ENPP2: variants seen among roughly 807,000 people sequenced by gnomAD.
ENPP2 encodes the protein ectonucleotide pyrophosphatase/phosphodiesterase 2.
ENPP2 carries 51 observed loss-of-function variants against 120.2 expected under a neutral mutation model. That is an observed-to-expected ratio of 0.42 (90% CI 0.34 to 0.54). The LOEUF (loss-of-function observed/expected upper bound fraction) is 0.54, where lower values mean the gene tolerates loss of function less well. Among genes scored for constraint, ENPP2 ranks in the 20% least tolerant of loss-of-function variants. The pLI is 0.04. For missense variants in ENPP2, 920 were observed against 1,066.5 expected (o/e 0.86, Z 1.91); for synonymous variants, 365 against 366.4 (o/e 1.00, Z 0.04).
intron 12 of ENPP2, among the ~76,000 whole-genome samples, chr8:119,590,966 C>T (rs1587412219): frequency 8.3e-6 from 1 of 121,004 alleles, no homozygotes; most frequent in East Asian, 2.5e-4. Flanking sequence ...TAACTATTGA[C>T]AGAGTCTTTA....
At chr8:119,652,362 T>C (rs932172075) in intron 1 of ENPP2, among the ~76,000 whole-genome samples, 1 of 152,152 alleles carries the variant, frequency 6.6e-6, no homozygotes, top group African/African-American at 2.4e-5. Flanking sequence ...ATTCACATCA[T>C]AGCAGGAAGT....
At chr8:119,585,175 A>G (rs1276852903) in intron 15 of ENPP2, among the ~76,000 whole-genome samples, 3 of 152,168 alleles carry the variant, frequency 2.0e-5, no homozygotes, top group African/African-American at 7.2e-5. Flanking sequence ...AATTTCAGTC[A>G]CATCCCAATT....
Position 119,590,497 on chromosome 8 carries a change from C to A in ENPP2, c.1207+8G>T. On this transcript the variant is annotated splice_region_variant and intron_variant, in intron 13 of 24. Transcript: ENST00000075322. The stretch of plus-strand genomic sequence containing the variant: ...TCTAACCACTTAATATTTTAAGAAT[C>A]AACTTACATTTAGCATTGTTGCTAA... The A allele has an allele frequency of 6.3e-7, 1 of 1,588,914 alleles. No individual in the cohort carries two copies.
chr8:119,567,354 G>C (rs570886925), intron 22 of ENPP2, among the ~76,000 whole-genome samples: 1 of 152,256 alleles, frequency 6.6e-6, no homozygotes, highest in East Asian at 1.9e-4. Flanking sequence ...TTCGACATTG[G>C]ATAATTAAGT....
chr8:119,666,900 T>C (rs138327206), intron 1 of ENPP2, among the ~76,000 whole-genome samples: 21 of 152,222 alleles, frequency 1.4e-4, no homozygotes, highest in African/African-American at 4.8e-4. Flanking sequence ...ACACAGGAAA[T>C]GGCATAAGTA....
At position 119,654,828 on chromosome 8, in the gene ENPP2, T is replaced by C. The variant is rs1282910158; in HGVS notation, c.22-16301A>G. On this transcript the variant is annotated intron_variant, in intron 1 of 25. Coordinates refer to the ENPP2 transcript ENST00000427067. Reference sequence around the variant, plus strand: ...TCAGAAGCACTTTGGCTATACAACATCTAAGCTTCTTTCCAACTCTAAGCA... The same window carrying C: ...TCAGAAGCACTTTGGCTATACAACACCTAAGCTTCTTTCCAACTCTAAGCA... Among the ~76,000 whole-genome samples the C allele has an allele frequency of 2.6e-5, 4 of 152,304 alleles. No homozygotes were observed. The East Asian group carries it at 7.7e-4, about 29-fold the overall frequency.
chr8:119,561,625 T>G (rs531383953), intron 24 of ENPP2, among the ~76,000 whole-genome samples: 3 of 152,172 alleles, frequency 2.0e-5, no homozygotes, highest in Non-Finnish European at 2.9e-5. Flanking sequence ...TCCTCCCTAG[T>G]GTTTTCATGA....
At position 119,570,857 on chromosome 8, in the gene ENPP2, A is replaced by G; in HGVS notation, c.1781-16T>C. The stretch of plus-strand genomic sequence containing the variant: ...AGGTGTCTCTCTAAAAAAGAAAAAA[A>G]ATAAACTGTGTTAGGTGCATATTAA... On this transcript the variant is annotated splice_polypyrimidine_tract_variant and intron_variant, in intron 19 of 24. Transcript: ENST00000075322. 6.5e-7 allele frequency: 1 copy of G among 1,530,740 alleles called. No individual in the cohort carries two copies. The highest frequency in any genetic ancestry group is 8.7e-7 in the Non-Finnish European group (1 of 1,144,528). 94.8% of individuals were successfully genotyped at this position (1,530,740 alleles called of 1,614,324 possible).
intron 15 of ENPP2, among the ~76,000 whole-genome samples, chr8:119,584,723 T>C (rs751697913): frequency 1.9e-4 from 29 of 152,190 alleles, no homozygotes; most frequent in Non-Finnish European, 3.2e-4. Context: ...TCTCTAGACA[T>C]CAAGACCATC....
chr8:119,666,321 G>A (rs1449948506), intron 1 of ENPP2, among the ~76,000 whole-genome samples: 1 of 151,728 alleles, frequency 6.6e-6, no homozygotes, highest in Non-Finnish European at 1.5e-5. Context: ...AAAGATTATT[G>A]CTTCAAACAA....
chr8:119,599,040 T>G (rs1400980328), intron 11 of ENPP2, among the ~76,000 whole-genome samples: 1 of 152,234 alleles, frequency 6.6e-6, no homozygotes, highest in African/African-American at 2.4e-5. Context: ...TGATAAAATG[T>G]GGTTCCTTTT....
chr8:119,581,776 T>C (rs2130304307), intron 18 of ENPP2, among the ~76,000 whole-genome samples: 1 of 151,800 alleles, frequency 6.6e-6, no homozygotes, highest in Middle Eastern at 3.4e-3. Context: ...TTTTTTTTTT[T>C]TGAGTCAGAG....
At chr8:119,665,080 C>T (rs540297607) in intron 1 of ENPP2, among the ~76,000 whole-genome samples, 1 of 152,260 alleles carries the variant, frequency 6.6e-6, no homozygotes, top group African/African-American at 2.4e-5. Context: ...CCTTTTTATA[C>T]AGACATCAGT....
intron 8 of ENPP2, among the ~76,000 whole-genome samples, chr8:119,614,361 G>A (rs78109821): frequency 0.01 from 1,523 of 151,996 alleles, 20 homozygotes; most frequent in African/African-American, 0.036. Context: ...CACCACGCCC[G>A]GCCCCTCCTA....
intron 19 of ENPP2, among the ~76,000 whole-genome samples, chr8:119,573,703 T>C (rs1042981997): frequency 1.3e-5 from 2 of 151,956 alleles, no homozygotes; most frequent in Non-Finnish European, 2.9e-5. Flanking sequence ...TCCCAGCTAC[T>C]TGGGAGGCTG....
At chr8:119,604,520 T>C (rs895451691) in intron 9 of ENPP2, among the ~76,000 whole-genome samples, 1 of 151,804 alleles carries the variant, frequency 6.6e-6, no homozygotes, top group South Asian at 2.1e-4. Context: ...ATGGGGTACA[T>C]GTTGCTGTCT....
chr8:119,576,054 A>G (rs946050861), intron 19 of ENPP2, among the ~76,000 whole-genome samples: 12 of 152,238 alleles, frequency 7.9e-5, no homozygotes, highest in African/African-American at 2.9e-4. Flanking sequence ...TCCAGAATTG[A>G]CAAGAGCTAA....
At chr8:119,567,630 G>T (rs996859295) in intron 22 of ENPP2, among the ~76,000 whole-genome samples, 2 of 152,316 alleles carry the variant, frequency 1.3e-5, no homozygotes, top group South Asian at 2.1e-4. Flanking sequence ...ACACTCTGAT[G>T]ATTCAGAAGG....
At chr8:119,623,032 G>A (rs1816015676) in intron 3 of ENPP2, among the ~76,000 whole-genome samples, 1 of 152,098 alleles carries the variant, frequency 6.6e-6, no homozygotes, top group Non-Finnish European at 1.5e-5. Flanking sequence ...GTGTCACTGA[G>A]CTAAAATACA....
Sources: allele counts gnomAD v4.1 joint callset (sites outside exome capture counted in the v4.1 genomes callset), GRCh38; gene constraint gnomAD v4.1.1; transcripts MANE v1.5; gene names NCBI Gene and HGNC (gene_info 2026-07-23, HGNC 2026-07-21).